Variants in GPC6 observed in about 807,000 individuals in gnomAD.
The protein encoded by GPC6 is glypican-6.
Under a neutral mutation model 55.2 loss-of-function variants are expected in GPC6, and 14 were observed. The ratio of observed to expected loss-of-function variants is 0.25; its 90% CI spans 0.17 to 0.40. GPC6 has a LOEUF of 0.40. Among genes scored for constraint, GPC6 ranks in the 10% least tolerant of loss-of-function variants. GPC6 has a pLI of 1.00. For synonymous variants in GPC6, 278 were observed against 259.6 expected (o/e 1.07, Z -0.68); for missense variants, 641 against 708.5 (o/e 0.90, Z 1.08).
chr13:93,550,960 G>C (rs80164996), intron 2 of GPC6, among the ~76,000 whole-genome samples: 2 of 152,110 alleles, frequency 1.3e-5, no homozygotes, highest in Admixed American at 1.3e-4. Context: ...ATAAACCTAA[G>C]AGTAAGAAAG....
chr13:94,112,863 T>A (rs1886300839), intron 4 of GPC6, among the ~76,000 whole-genome samples: 1 of 152,098 alleles, frequency 6.6e-6, no homozygotes. Flanking sequence ...AAACTACTGC[T>A]ACCTAATACC....
chr13:93,939,324 A>G (rs1212158257), intron 3 of GPC6, among the ~76,000 whole-genome samples: 3 of 150,968 alleles, frequency 2.0e-5, no homozygotes, highest in Admixed American at 1.3e-4. Context: ...ATTATTTAAT[A>G]TAAAACTAGA....
chr13:93,403,087 GA>G (rs1334852236), intron 1 of GPC6, among the ~76,000 whole-genome samples: 3 of 152,108 alleles, frequency 2.0e-5, no homozygotes, highest in Non-Finnish European at 4.4e-5. Context: ...TTTAATAAAA[GA>G]GACCTGTTAA....
At chr13:93,590,961 A>G (rs2139507008) in intron 2 of GPC6, among the ~76,000 whole-genome samples, 1 of 152,206 alleles carries the variant, frequency 6.6e-6, no homozygotes, top group South Asian at 2.1e-4. Context: ...CAATGTGCAC[A>G]TGTACCCTAA....
chr13:93,841,300 T>A (rs57800923), intron 3 of GPC6, among the ~76,000 whole-genome samples: 1 of 152,278 alleles, frequency 6.6e-6, no homozygotes, highest in African/African-American at 2.4e-5. Flanking sequence ...TACGACATCC[T>A]AACATTTTTA....
chr13:94,036,827 A>G (rs948953713), intron 4 of GPC6, among the ~76,000 whole-genome samples: 1 of 151,946 alleles, frequency 6.6e-6, no homozygotes, highest in Non-Finnish European at 1.5e-5. Context: ...TTTCTACCTG[A>G]GTTCATTGAC....
In GPC6 at chr13:93,233,002, T is replaced by G. The variant is rs191773823; in HGVS notation, c.160+5386T>G. ...AAAGGCCAGTAAGGTGATTTAGATT[T>G]ATCTTGCCAGTATAAACAGTGATTT... On this transcript the variant is annotated intron_variant, in intron 1 of 8. Transcript: ENST00000377047. 7.5e-3 allele frequency among the ~76,000 whole-genome samples: 1,136 copies of G among 152,314 alleles called. 11 individuals carry two copies. The highest frequency in any genetic ancestry group is 0.024 in the African/African-American group (1,008 of 41,574).
rs192320823 is a variant in GPC6 at position 93,683,252 on chromosome 13, G to A, written c.319+137831G>A. Among the ~76,000 whole-genome samples the A allele has an allele frequency of 2.8e-5, 4 of 144,478 alleles. No individual in the cohort carries two copies. The East Asian group carries it at 5.8e-4, about 21-fold the overall frequency. The allele number at this position is 144,478 out of a possible 152,430, so 94.8% of individuals were successfully genotyped here. On this transcript the variant is annotated intron_variant, in intron 2 of 8. Transcript: ENST00000377047. Reference sequence around the variant, plus strand: ...GATCATTTGCTGTTAAGTAACTATAGGAAATACTCAATACAATATCTTTTT... The same window carrying A: ...GATCATTTGCTGTTAAGTAACTATAAGAAATACTCAATACAATATCTTTTT...
chr13:94,330,546 A>T (rs909239690), intron 6 of GPC6, among the ~76,000 whole-genome samples: 1 of 152,134 alleles, frequency 6.6e-6, no homozygotes, highest in Non-Finnish European at 1.5e-5. Flanking sequence ...TCAAAATGTG[A>T]TTCCTAAACT....
chr13:93,597,575 C>T (rs1449223419), intron 2 of GPC6, among the ~76,000 whole-genome samples: 2 of 152,148 alleles, frequency 1.3e-5, no homozygotes, highest in East Asian at 3.9e-4. Context: ...CAATTTTCTT[C>T]CACCTCTGCC....
intron 3 of GPC6, among the ~76,000 whole-genome samples, chr13:93,975,307 A>C (rs1475101247): frequency 1.3e-5 from 2 of 152,166 alleles, no homozygotes; most frequent in Non-Finnish European, 2.9e-5. Context: ...TTATTGCTTA[A>C]TCTTTCAGAA....
chr13:93,449,971 A>G (rs1329592483), intron 1 of GPC6, among the ~76,000 whole-genome samples: 1 of 150,670 alleles, frequency 6.6e-6, no homozygotes, highest in Non-Finnish European at 1.5e-5. Flanking sequence ...TTTAGTAGAG[A>G]TGGGATTTCA....
chr13:93,591,554 T>C (rs141367788), intron 2 of GPC6, among the ~76,000 whole-genome samples: 50 of 152,222 alleles, frequency 3.3e-4, no homozygotes, highest in African/African-American at 1.2e-3. Context: ...ATAATGACTA[T>C]AGTCTGATGA....
At chr13:94,161,750 A>C (rs898780600) in intron 4 of GPC6, among the ~76,000 whole-genome samples, 2 of 152,158 alleles carry the variant, frequency 1.3e-5, no homozygotes, top group Non-Finnish European at 2.9e-5. Flanking sequence ...AACCAACTCA[A>C]ACTGGCTTTC....
chr13:94,218,734 T>G (rs999129904), intron 4 of GPC6, among the ~76,000 whole-genome samples: 6 of 152,146 alleles, frequency 3.9e-5, no homozygotes, highest in African/African-American at 1.4e-4. Context: ...TGAGAGACCT[T>G]TGATTCCCCA....
intron 4 of GPC6, among the ~76,000 whole-genome samples, chr13:94,159,556 A>C (rs2138910856): frequency 6.6e-6 from 1 of 152,200 alleles, no homozygotes; most frequent in South Asian, 2.1e-4. Context: ...CTCATGATTC[A>C]ATTATCTCCC....
chr13:93,359,114 G>T (rs1388295158), intron 1 of GPC6, among the ~76,000 whole-genome samples: 2 of 151,372 alleles, frequency 1.3e-5, no homozygotes, highest in East Asian at 1.9e-4. Flanking sequence ...CTACAGATGC[G>T]TGCCACCATG....
intron 2 of GPC6, among the ~76,000 whole-genome samples, chr13:93,626,777 G>C (rs1159471257): frequency 6.6e-6 from 1 of 151,278 alleles, no homozygotes; most frequent in Non-Finnish European, 1.5e-5. Flanking sequence ...ACTCCAGCCT[G>C]GGTGACAGAG....
At chr13:93,978,682 C>A (rs544184759) in intron 3 of GPC6, among the ~76,000 whole-genome samples, 10 of 152,166 alleles carry the variant, frequency 6.6e-5, no homozygotes, top group African/African-American at 2.2e-4. Context: ...AGGTTTTTTT[C>A]ATGATTCTAG....
Sources: allele counts gnomAD v4.1 joint callset (sites outside exome capture counted in the v4.1 genomes callset), GRCh38; gene constraint gnomAD v4.1.1; transcripts MANE v1.5; gene names NCBI Gene and HGNC (gene_info 2026-07-23, HGNC 2026-07-21).